Variants in SPATA17 observed in about 807,000 individuals in gnomAD.
SPATA17 encodes the protein spermatogenesis-associated protein 17.
Under a neutral mutation model 62.2 loss-of-function variants are expected in SPATA17, and 53 were observed. The ratio of observed to expected loss-of-function variants is 0.85; its 90% CI spans 0.68 to 1.07. SPATA17 has a LOEUF of 1.07. Ranked by LOEUF, SPATA17 falls within the 50% of genes least tolerant of loss-of-function variation. The probability of loss-of-function intolerance (pLI) is 0.00; values close to 1 mark genes in which losing one functional copy is unlikely to be tolerated. For missense variants in SPATA17, 466 were observed against 425.5 expected, an observed-to-expected ratio of 1.10 and a Z score of -0.84; for synonymous variants, 146 against 146.8, an observed-to-expected ratio of 0.99 and a Z score of 0.04.
intron 9 of SPATA17, chr1:217,850,762 T>C (rs1675632517): frequency 3.3e-6 from 2 of 609,792 alleles, no homozygotes; most frequent in East Asian, 6.7e-5. Context: ...ATATAGTTTT[T>C]ATTTTTATGT....
chr1:217,657,176 G>C (rs1417737406), intron 3 of SPATA17, among the ~76,000 whole-genome samples: 1 of 152,180 alleles, frequency 6.6e-6, no homozygotes, highest in Non-Finnish European at 1.5e-5. Context: ...AGCACTTAGA[G>C]GCCCATCTTC....
chr1:217,684,660 C>T (rs1671175223), intron 5 of SPATA17, among the ~76,000 whole-genome samples: 2 of 152,252 alleles, frequency 1.3e-5, no homozygotes, highest in South Asian at 2.1e-4. Flanking sequence ...AGGTGATCTG[C>T]CCACCTCGGC....
chr1:217,799,593 T>C (rs1674251798), intron 8 of SPATA17, among the ~76,000 whole-genome samples: 1 of 152,158 alleles, frequency 6.6e-6, no homozygotes, highest in African/African-American at 2.4e-5. Context: ...TGTATTCTGT[T>C]TATTTTTTAT....
chr1:217,810,825 CT>C (rs1439581739), intron 9 of SPATA17, among the ~76,000 whole-genome samples: 1 of 151,608 alleles, frequency 6.6e-6, no homozygotes, highest in African/African-American at 2.4e-5. Context: ...CTGCCAAACA[CT>C]TTTTTAAAAC....
At chr1:217,775,526 A>C (rs577362045) in intron 7 of SPATA17, among the ~76,000 whole-genome samples, 24 of 152,200 alleles carry the variant, frequency 1.6e-4, no homozygotes, top group South Asian at 4.1e-4. Flanking sequence ...AACATGGTGA[A>C]ACCCCATCTC....
chr1:217,641,060 C>A (rs771103158), intron 1 of SPATA17, among the ~76,000 whole-genome samples: 3 of 151,844 alleles, frequency 2.0e-5, no homozygotes, highest in Non-Finnish European at 2.9e-5. Context: ...GAAAGTTTGT[C>A]CTAGGGCAAA....
intron 9 of SPATA17, among the ~76,000 whole-genome samples, chr1:217,812,566 A>G (rs1197066429): frequency 5.3e-5 from 8 of 152,186 alleles, no homozygotes; most frequent in Non-Finnish European, 1.0e-4. Context: ...TGTGTCTTAA[A>G]TGGTCGAACC....
chr1:217,711,770 G>T (rs996378111), intron 5 of SPATA17, among the ~76,000 whole-genome samples: 1 of 152,142 alleles, frequency 6.6e-6, no homozygotes, highest in Non-Finnish European at 1.5e-5. Context: ...TAGAAAGAGG[G>T]GAGGAAGAAG....
At chr1:217,800,732 C>A (rs908358175) in intron 8 of SPATA17, among the ~76,000 whole-genome samples, 1 of 152,086 alleles carries the variant, frequency 6.6e-6, no homozygotes, top group Admixed American at 6.6e-5. Context: ...TTTCTTAACT[C>A]TTTTGTGTCA....
chr1:217,703,186 T>G (rs1414473276), intron 5 of SPATA17, among the ~76,000 whole-genome samples: 1 of 149,188 alleles, frequency 6.7e-6, no homozygotes, highest in Non-Finnish European at 1.5e-5. Context: ...TTTTTTTTTT[T>G]TTGAAATGGA....
At chr1:217,860,932 T>G (rs2103016087) in intron 9 of SPATA17, among the ~76,000 whole-genome samples, 1 of 152,288 alleles carries the variant, frequency 6.6e-6, no homozygotes, top group South Asian at 2.1e-4. Flanking sequence ...TTCTCTAGTT[T>G]TAAACATTTT....
Position 217,683,372 on chromosome 1 carries a change from C to CA in SPATA17, c.395+13dup, listed in dbSNP as rs1455278357. The CA allele has an allele frequency of 6.6e-7, 1 of 1,510,578 alleles. No homozygotes were observed. Among genetic ancestry groups the CA allele is most frequent in the South Asian group, 1.1e-5 (1 of 87,696 alleles). The allele number at this position is 1,510,578 out of a possible 1,614,324, so 93.6% of individuals were successfully genotyped here. ...CAATGATGCAATTAGGTAAGTAGTG[C>CA]AATCATCCATTCACTAGGGAAAACT... On this transcript the variant is annotated intron_variant, in intron 5 of 10. Coordinates refer to ENST00000366933, the MANE Select transcript of SPATA17 (RefSeq NM_138796.4).
At chr1:217,633,330 A>G (rs1415154787) in intron 1 of SPATA17, among the ~76,000 whole-genome samples, 1 of 152,214 alleles carries the variant, frequency 6.6e-6, no homozygotes, top group East Asian at 1.9e-4. Flanking sequence ...ACAACTACAT[A>G]TGATATTTCA....
intron 9 of SPATA17, among the ~76,000 whole-genome samples, chr1:217,860,175 G>T (rs1053637584): frequency 2.0e-5 from 3 of 152,110 alleles, no homozygotes; most frequent in Non-Finnish European, 4.4e-5. Context: ...ATTTAGAAGT[G>T]CATTGTTTAA....
chr1:217,860,596 C>A (rs1159469245), intron 9 of SPATA17, among the ~76,000 whole-genome samples: 2 of 152,014 alleles, frequency 1.3e-5, no homozygotes, highest in Non-Finnish European at 2.9e-5. Context: ...ATATAATGCT[C>A]CTCTTTATTC....
chr1:217,805,795 T>G (rs1262621668), intron 9 of SPATA17, among the ~76,000 whole-genome samples: 4 of 152,164 alleles, frequency 2.6e-5, no homozygotes, highest in Non-Finnish European at 5.9e-5. Flanking sequence ...AAAGATAACA[T>G]GTATTGGCAA....
At chr1:217,714,641 G>A (rs1363121326) in intron 5 of SPATA17, among the ~76,000 whole-genome samples, 2 of 151,734 alleles carry the variant, frequency 1.3e-5, no homozygotes, top group East Asian at 2.0e-4. Flanking sequence ...CCGCCAGCAC[G>A]CCCGGCTAAT....
rs1426133122 is a variant in SPATA17 at position 217,739,877 on chromosome 1, A to G, written c.396-2098A>G. Among the ~76,000 whole-genome samples, 6 of 152,242 alleles carry G rather than the reference A, an allele frequency of 3.9e-5. No individual in the cohort carries two copies. The East Asian group carries it at 9.7e-4, about 25-fold the overall frequency. On this transcript the variant is annotated intron_variant, in intron 5 of 10. Coordinates refer to ENST00000366933, the MANE Select transcript of SPATA17 (RefSeq NM_138796.4). Reference sequence around the variant, plus strand: ...AGAATTGACTTTTTTCAATAATTGGATGAATTTATTAAATTAACTACTTTT... The same window carrying G: ...AGAATTGACTTTTTTCAATAATTGGGTGAATTTATTAAATTAACTACTTTT...
At chr1:217,751,877 A>C (rs1280419125) in intron 6 of SPATA17, among the ~76,000 whole-genome samples, 1 of 152,222 alleles carries the variant, frequency 6.6e-6, no homozygotes, top group Admixed American at 6.5e-5. Context: ...TTAAGTGTGC[A>C]GCATTTTAGA....
Sources: allele counts gnomAD v4.1 joint callset (sites outside exome capture counted in the v4.1 genomes callset), GRCh38; gene constraint gnomAD v4.1.1; transcripts MANE v1.5; gene names NCBI Gene and HGNC (gene_info 2026-07-23, HGNC 2026-07-21).